Variants in PTPN13 observed in about 807,000 individuals in gnomAD.
PTPN13 encodes the protein protein tyrosine phosphatase non-receptor type 13.
Under a neutral mutation model 284.0 loss-of-function variants are expected in PTPN13, and 191 were observed. The observed-to-expected ratio is 0.67, with a 90% confidence interval of 0.60 to 0.76. The LOEUF is 0.76. Among genes scored for constraint, PTPN13 ranks in the 30% least tolerant of loss-of-function variants. The probability of loss-of-function intolerance (pLI) is 0.00; values close to 1 mark genes in which losing one functional copy is unlikely to be tolerated. For synonymous variants in PTPN13, 986 were observed against 1,022.3 expected, an observed-to-expected ratio of 0.96 and a Z score of 0.68; for missense variants, 2,797 against 2,939.9, an observed-to-expected ratio of 0.95 and a Z score of 1.12.
intron 20 of PTPN13, 45 bp from the exon 21 acceptor site, chr4:86,758,215 G>A (rs777758324): frequency 7.4e-7 from 1 of 1,347,102 alleles, no homozygotes; most frequent in Middle Eastern, 1.8e-4. Flanking sequence ...CAGTCTTAAT[G>A]CCTGAGCATG....
chr4:86,811,246 AT>A (rs956231820), intron 47 of PTPN13, 138 bp downstream of exon 47: 2,005 of 649,912 alleles, frequency 3.1e-3, no homozygotes, highest in South Asian at 5.1e-3. Flanking sequence ...AGTGAGGGGC[AT>A]TTTTTTTTAA....
In PTPN13 at chr4:86,635,419, G is replaced by A. The variant is rs375833187; in HGVS notation, c.115+48G>A. On this transcript the variant is annotated intron_variant, in intron 2 of 47. Coordinates refer to ENST00000411767, the MANE Select transcript of PTPN13 (RefSeq NM_080683.3). ...GTTGTTGTTGTTGTTTCAGTATTGG[G>A]TACTTAAAAAACAGATACAGGGTCA... 8 of 1,550,084 alleles carry A rather than the reference G, an allele frequency of 5.2e-6. No homozygotes were observed. In the African/African-American group the frequency reaches 9.6e-5, roughly 19 times the overall value.
At chr4:86,650,437 G>A (rs115400251) in intron 2 of PTPN13, among the ~76,000 whole-genome samples, 7,110 of 152,078 alleles carry the variant, frequency 0.047, 222 homozygotes, top group African/African-American at 0.061. Flanking sequence ...TCAGCCTCCC[G>A]AAGAGCTGGG....
intron 17 of PTPN13, 63 bp from the exon 18 acceptor site, chr4:86,750,407 T>C: frequency 7.2e-7 from 1 of 1,389,508 alleles, no homozygotes; most frequent in Non-Finnish European, 9.9e-7. Context: ...TTTATTAACA[T>C]AATTATTCTC....
At position 86,657,978 on chromosome 4, in the gene PTPN13, AG is replaced by A. The variant is rs1443457127; in HGVS notation, c.116-14386del. ...TGGTTTTGCCCTGGGTTGCATTCCA[AG>A]TCCACTGCCTCTGAGACTAGTGCAG... is the stretch of plus-strand genomic sequence containing the variant. On this transcript the variant is annotated intron_variant, in intron 2 of 47. Transcript: ENST00000411767. Among the ~76,000 whole-genome samples the A allele has an allele frequency of 3.3e-5, 5 of 152,080 alleles. No individual in the cohort carries two copies. In the East Asian group the frequency reaches 9.7e-4, roughly 29 times the overall value.
Position 86,814,491 on chromosome 4 carries a change from T to C in PTPN13, c.7398T>C (p.Tyr2466=). 6.2e-7 allele frequency: 1 copy of C among 1,613,138 alleles called. No homozygotes were observed. Among genetic ancestry groups the C allele is most frequent in the Non-Finnish European group, 8.5e-7 (1 of 1,179,466 alleles). Residue 2466 remains tyrosine (Y), a synonymous_variant, in exon 48 of 48, where the codon TAT becomes TAC. Coordinates refer to ENST00000411767, the MANE Select transcript of PTPN13 (RefSeq NM_080683.3). ...QYIFCYQVIL[Y]VLTRLQAEEE... ...TTTTCTGCTATCAAGTCATCCTTTA[T>C]GTCCTGACACGTCTTCAAGCAGAAG...
chr4:86,602,969 G>T (rs1764440810), intron 1 of PTPN13, among the ~76,000 whole-genome samples: 1 of 152,112 alleles, frequency 6.6e-6, no homozygotes, highest in African/African-American at 2.4e-5. Flanking sequence ...AAGGTGTTGG[G>T]ATTACAGGAT....
At chr4:86,732,289 G>A (rs558722559) in intron 10 of PTPN13, 111 bp from the exon 11 acceptor site, 114 of 881,706 alleles carry the variant, frequency 1.3e-4, no homozygotes, top group Admixed American at 5.4e-4. Context: ...GTTCTAATGT[G>A]GTGATTTTGT....
At chr4:86,667,070 G>A (rs1227272994) in intron 2 of PTPN13, among the ~76,000 whole-genome samples, 3 of 152,094 alleles carry the variant, frequency 2.0e-5, no homozygotes. Context: ...ACCTTACTGA[G>A]GACTTCCTTA....
chr4:86,756,393 G>A (rs1046101561), intron 20 of PTPN13, among the ~76,000 whole-genome samples: 2 of 151,930 alleles, frequency 1.3e-5, no homozygotes, highest in Admixed American at 6.6e-5. Context: ...ATTAAACTAG[G>A]CATTAAATAA....
intron 10 of PTPN13, among the ~76,000 whole-genome samples, chr4:86,729,786 A>G (rs1216421787): frequency 6.7e-6 from 1 of 149,514 alleles, no homozygotes; most frequent in Non-Finnish European, 1.5e-5. Context: ...GGGTTTGAAC[A>G]TGCTCCTTTA....
chr4:86,675,553 C>G (rs1039521110), intron 3 of PTPN13, among the ~76,000 whole-genome samples: 3 of 152,268 alleles, frequency 2.0e-5, no homozygotes, highest in African/African-American at 7.2e-5. Flanking sequence ...ACTCTTGATA[C>G]ATGACAATGT....
chr4:86,762,878 A>G lies in PTPN13; in HGVS notation c.3705A>G (p.Pro1235=), dbSNP rs710832. ...ACATCTCGGAGAACTCCTTTGGGCC[A>G]TCTGGGGGCCTGCGGGAAGGAAGCC... ...LRHISENSFG[P]SGGLREGSLS... is the part of the protein sequence containing the mutation. The change falls in exon 24 of 48, where the codon CCA becomes CCG. Residue 1235 remains proline, a synonymous_variant. Transcript: ENST00000411767. 1,175,817 of 1,613,576 alleles carry G rather than the reference A, an allele frequency of 0.73. 431,044 individuals are homozygous for G. The highest frequency in any genetic ancestry group is 0.83 in the African/African-American group (62,192 of 74,914).
Position 86,672,507 on chromosome 4 carries a change from A to G in PTPN13, c.258A>G (p.Gln86=). The change falls in exon 3 of 48, where the codon CAA becomes CAG. Residue 86 remains glutamine (Q), a synonymous_variant. Transcript: ENST00000411767. ...LRAFTAPEVL[Q]NQSLTSLSDV... is the part of the protein sequence containing the mutation. ...CATTCACTGCACCAGAGGTTCTTCAAAATCAGTCACTAACTTCTCTCTCAG... is the reference window on the plus strand; with the variant it reads ...CATTCACTGCACCAGAGGTTCTTCAGAATCAGTCACTAACTTCTCTCTCAG... 2 of 1,607,078 alleles carry G rather than the reference A, an allele frequency of 1.2e-6. No individual in the cohort carries two copies. Among genetic ancestry groups the G allele is most frequent in the Non-Finnish European group, 8.5e-7 (1 of 1,176,776 alleles).
chr4:86,723,501 G>A (rs1035557551), intron 10 of PTPN13, among the ~76,000 whole-genome samples: 1 of 152,136 alleles, frequency 6.6e-6, no homozygotes, highest in Non-Finnish European at 1.5e-5. Context: ...TTCTTCCACG[G>A]AACCTGTCCC....
intron 5 of PTPN13, among the ~76,000 whole-genome samples, chr4:86,692,382 T>G (rs1730119642): frequency 6.6e-6 from 1 of 152,206 alleles, no homozygotes; most frequent in South Asian, 2.1e-4. Context: ...ACATAATGCT[T>G]GAGCCTTGAA....
chr4:86,782,657 CTG>C (rs1218914576), intron 37 of PTPN13, among the ~76,000 whole-genome samples: 3 of 152,022 alleles, frequency 2.0e-5, no homozygotes, highest in Non-Finnish European at 2.9e-5. Flanking sequence ...AAGTTCAAAT[CTG>C]TGCAATCAGT....
intron 3 of PTPN13, 25 bp downstream of exon 3, chr4:86,672,568 T>G: frequency 6.5e-7 from 1 of 1,548,940 alleles, no homozygotes; most frequent in South Asian, 1.2e-5. Flanking sequence ...TTTTTGTTTG[T>G]TTTTTTATTT....
chr4:86,712,577 C>T (rs866963721), intron 7 of PTPN13, among the ~76,000 whole-genome samples: 10 of 152,012 alleles, frequency 6.6e-5, no homozygotes, highest in African/African-American at 9.7e-5. Flanking sequence ...GATACACCCA[C>T]CCCTACCCCA....
Sources: allele counts gnomAD v4.1 joint callset (sites outside exome capture counted in the v4.1 genomes callset), GRCh38; gene constraint gnomAD v4.1.1; transcripts MANE v1.5; gene names NCBI Gene and HGNC (gene_info 2026-07-23, HGNC 2026-07-21).